The following SLC9B1 variants were observed in gnomAD, a reference collection of about 807,000 sequenced individuals.
The protein encoded by SLC9B1 is solute carrier family 9 member B1.
A neutral mutation model predicts 51.7 loss-of-function variants in SLC9B1; 32 were observed. That is an observed-to-expected ratio of 0.62 (90% CI 0.47 to 0.83). SLC9B1 has a LOEUF of 0.83. Ranked by LOEUF, SLC9B1 falls within the 40% of genes least tolerant of loss-of-function variation. The pLI, the probability that SLC9B1 is intolerant of heterozygous loss-of-function variation, is 0.00. For missense variants in SLC9B1, 406 were observed against 613.2 expected (o/e 0.66, Z 3.57); for synonymous variants, 145 against 212.7 (o/e 0.68, Z 2.77).
In SLC9B1 at chr4:102,962,859, A is replaced by G. The variant is rs1228626827; in HGVS notation, c.212-13432T>C. 156 of 472,198 alleles carry G rather than the reference A, an allele frequency of 3.3e-4. 5 individuals carry two copies. Among genetic ancestry groups the G allele is most frequent in the South Asian group, 2.3e-3 (149 of 65,252 alleles). The allele number at this position is 472,198 out of a possible 1,614,324, so 29.3% of individuals were successfully genotyped here. ...TGGATCAAACAATACACAGGTATCA[A>G]TGTGATCAACCAGGAGAAGTTCATA... On this transcript the variant is annotated intron_variant, in intron 3 of 11. Transcript: ENST00000296422.
At chr4:102,885,554 C>A (rs149945252) in intron 11 of SLC9B1, 77 of 758,592 alleles carry the variant, frequency 1.0e-4, no homozygotes, top group Admixed American at 2.7e-4. Context: ...TATTGAAAGA[C>A]CATATTCCTA....
At chr4:102,885,430 G>A in intron 11 of SLC9B1, 1 of 1,612,328 alleles carries the variant, frequency 6.2e-7, no homozygotes, top group Non-Finnish European at 8.5e-7. Flanking sequence ...GTTCTAAAAC[G>A]GTAAGATGTC....
intron 11 of SLC9B1, among the ~76,000 whole-genome samples, chr4:102,905,210 T>TTTATTTATTTATTTA (rs1443968666): frequency 2.8e-5 from 1 of 35,494 alleles, no homozygotes; most frequent in Admixed American, 3.0e-4. Context: ...TTTGTTTTTG[T>TTTATTTATTTATTTA]TTATTTATTT....
chr4:102,886,905 G>A (rs1733954679), intron 11 of SLC9B1, among the ~76,000 whole-genome samples: 1 of 152,132 alleles, frequency 6.6e-6, no homozygotes, highest in African/African-American at 2.4e-5. Flanking sequence ...GTAAACTACC[G>A]CACCAGCCTA....
chr4:102,961,218 C>T (rs899149082), intron 3 of SLC9B1, among the ~76,000 whole-genome samples: 2 of 152,028 alleles, frequency 1.3e-5, no homozygotes, highest in African/African-American at 4.8e-5. Context: ...AAGAATTTTG[C>T]GTACAAGGAG....
At chr4:103,010,860 A>G (rs1192880666) in intron 1 of SLC9B1, among the ~76,000 whole-genome samples, 5 of 152,224 alleles carry the variant, frequency 3.3e-5, no homozygotes, top group African/African-American at 1.2e-4. Context: ...AAGTTTCAAC[A>G]TGAAATTGGA....
At chr4:102,888,238 A>ATT (rs1734040514) in intron 11 of SLC9B1, 1 of 152,132 alleles carries the variant, frequency 6.6e-6, no homozygotes, top group Admixed American at 6.5e-5. Context: ...TTATGTGGAT[A>ATT]TTTTTCTCTT....
At chr4:102,913,974 G>T (rs1168152383) in intron 7 of SLC9B1, among the ~76,000 whole-genome samples, 2 of 152,072 alleles carry the variant, frequency 1.3e-5, no homozygotes, top group African/African-American at 4.8e-5. Flanking sequence ...TTGCAATGGA[G>T]AAAGAGTAAT....
Position 102,924,275 on chromosome 4 carries a change from T to TAA in SLC9B1, c.829+7848_829+7849insTT, listed in dbSNP as rs1374641543. 9.0e-3 allele frequency among the ~76,000 whole-genome samples: 1,367 copies of TAA among 152,288 alleles called. 12 individuals are homozygous for TAA. The highest frequency in any genetic ancestry group is 0.03 in the African/African-American group (1,242 of 41,542). ...CGACACATCTACAACCATCTGATCT[T>TAA]TGACAAACCTGACATAAACGAGAAA... On this transcript the variant is annotated intron_variant, in intron 7 of 11. Coordinates refer to ENST00000296422, the MANE Select transcript of SLC9B1 (RefSeq NM_139173.4).
chr4:102,885,848 A>G (rs1733883390), intron 11 of SLC9B1, among the ~76,000 whole-genome samples: 2 of 152,226 alleles, frequency 1.3e-5, no homozygotes, highest in Non-Finnish European at 2.9e-5. Context: ...TGATACATCC[A>G]CATTACATAT....
intron 3 of SLC9B1, among the ~76,000 whole-genome samples, chr4:102,986,050 C>A (rs145884572): frequency 1.3e-5 from 2 of 151,990 alleles, no homozygotes; most frequent in East Asian, 3.9e-4. Flanking sequence ...TATTTCCTTT[C>A]GAATATTCTT....
chr4:102,988,081 T>G (rs1273751026), intron 3 of SLC9B1, among the ~76,000 whole-genome samples: 1 of 152,168 alleles, frequency 6.6e-6, no homozygotes, highest in Non-Finnish European at 1.5e-5. Flanking sequence ...AATAAAATTT[T>G]AATGGAGAAG....
intron 7 of SLC9B1, chr4:102,912,108 G>C (rs574720374): frequency 1.2e-5 from 2 of 166,404 alleles, no homozygotes; most frequent in African/African-American, 5.0e-5. Context: ...ACTCCAGCCT[G>C]GGTGAAAGAC....
intron 1 of SLC9B1, 68 bp downstream of exon 1, chr4:103,019,531 G>A (rs1260137944): frequency 1.0e-6 from 1 of 970,276 alleles, no homozygotes; most frequent in African/African-American, 1.8e-5. Context: ...GCAAGGAAAC[G>A]ATCGCGGCAG....
intron 7 of SLC9B1, among the ~76,000 whole-genome samples, chr4:102,920,016 C>G (rs541970252): frequency 1.3e-5 from 2 of 152,244 alleles, no homozygotes; most frequent in African/African-American, 2.4e-5. Flanking sequence ...CAAACTTAAA[C>G]GTCCCTGTCT....
At chr4:102,941,514 G>A (rs1377700278) in intron 6 of SLC9B1, 2 of 454,486 alleles carry the variant, frequency 4.4e-6, no homozygotes, top group Non-Finnish European at 8.8e-6. Flanking sequence ...CGAGCTTGGG[G>A]AGCTACTCCC....
intron 7 of SLC9B1, among the ~76,000 whole-genome samples, chr4:102,931,230 A>AC (rs1467904562): frequency 6.6e-6 from 1 of 151,530 alleles, no homozygotes; most frequent in East Asian, 1.9e-4. Context: ...CGCCTCAAAA[A>AC]AAAAAAAAAG....
Position 102,937,701 on chromosome 4 carries a change from C to T in SLC9B1, c.654-5402G>A, listed in dbSNP as rs113661609. Among the ~76,000 whole-genome samples, 249 of 114,346 alleles carry T rather than the reference C, an allele frequency of 2.2e-3. 5 individuals carry two copies. Among genetic ancestry groups the T allele is most frequent in the African/African-American group, 8.5e-3 (240 of 28,370 alleles). 75.0% of individuals were successfully genotyped at this position (114,346 alleles called of 152,430 possible). The stretch of plus-strand genomic sequence containing the variant: ...ATAGCACCACTGCACTCCAGCCTGG[C>T]GACAGAGCAACACTCTGTCGCCAAA... On this transcript the variant is annotated intron_variant, in intron 6 of 11. Transcript: ENST00000296422.
chr4:102,954,401 A>G (rs1737673109), intron 3 of SLC9B1, among the ~76,000 whole-genome samples: 1 of 89,646 alleles, frequency 1.1e-5, no homozygotes, highest in Non-Finnish European at 2.1e-5. Flanking sequence ...TTTTTGCATC[A>G]ATGTTCATCA....
Sources: allele counts gnomAD v4.1 joint callset (sites outside exome capture counted in the v4.1 genomes callset), GRCh38; gene constraint gnomAD v4.1.1; transcripts MANE v1.5; gene names NCBI Gene and HGNC (gene_info 2026-07-23, HGNC 2026-07-21).